Variants in PNLDC1 observed in about 807,000 individuals in gnomAD.
PNLDC1 encodes poly(A)-specific ribonuclease PNLDC1.
Under a neutral mutation model 82.0 loss-of-function variants are expected in PNLDC1, and 70 were observed. The ratio of observed to expected loss-of-function variants is 0.85; its 90% CI spans 0.70 to 1.04. The LOEUF is 1.04. Ranked by LOEUF, PNLDC1 falls within the 50% of genes least tolerant of loss-of-function variation. The pLI is 0.00. For missense variants in PNLDC1, 631 were observed against 661.1 expected (o/e 0.95, Z 0.50); for synonymous variants, 280 against 249.3 (o/e 1.12, Z -1.16).
At chr6:159,804,314 G>A (rs1487284499) in intron 5 of PNLDC1, among the ~76,000 whole-genome samples, 1 of 152,204 alleles carries the variant, frequency 6.6e-6, no homozygotes, top group African/African-American at 2.4e-5. Flanking sequence ...ATGTTGGTCA[G>A]GCTGGTCTTG....
At position 159,811,768 on chromosome 6, in the gene PNLDC1, A is replaced by G; in HGVS notation, c.921A>G (p.Val307=). The G allele has an allele frequency of 1.2e-6, 2 of 1,611,412 alleles. No homozygotes were observed. The highest frequency in any genetic ancestry group is 1.3e-5 in the African/African-American group (1 of 74,994). The change falls in exon 11 of 19, where the codon GTA becomes GTG. Residue 307 remains valine, a synonymous_variant. Transcript: ENST00000392167. ...CTGTTCTCATTGATACCAAGAGTGT[A>G]ACAAAGGATATCTGGAAGGTAATGA... ...LFPVLIDTKS[V]TKDIWKEMNF... is the part of the protein sequence containing the mutation.
At position 159,818,661 on chromosome 6, in the gene PNLDC1, A is replaced by G; in HGVS notation, c.1257+7A>G. On this transcript the variant is annotated splice_region_variant and intron_variant, in intron 16 of 18. Transcript: ENST00000392167. ...AGCGGGGGTCCCAAAGATCGTGAGT[A>G]GATCTCATTTGGCCCCCTCGCCCCA... 6.2e-7 allele frequency: 1 copy of G among 1,611,278 alleles called. No homozygotes were observed. The highest frequency in any genetic ancestry group is 8.5e-7 in the Non-Finnish European group (1 of 1,177,888).
intron 7 of PNLDC1, 93 bp from the exon 8 acceptor site, chr6:159,808,647 T>C: frequency 8.2e-7 from 1 of 1,212,686 alleles, no homozygotes; most frequent in Non-Finnish European, 1.2e-6. Flanking sequence ...ACTTGACCTT[T>C]CCATCTCAGC....
At chr6:159,809,900 TG>T in intron 9 of PNLDC1, 125 bp from the exon 10 acceptor site, 1 of 759,002 alleles carries the variant, frequency 1.3e-6, no homozygotes. Context: ...AAGGTTAGGA[TG>T]GAACTGTCAA....
At chr6:159,813,014 A>T (rs1781692958) in intron 11 of PNLDC1, among the ~76,000 whole-genome samples, 1 of 147,128 alleles carries the variant, frequency 6.8e-6, no homozygotes, top group African/African-American at 2.5e-5. Flanking sequence ...ACAGAGGAAG[A>T]CCCTGTCTCA....
chr6:159,816,126 C>A, intron 13 of PNLDC1, 93 bp downstream of exon 13: 2 of 959,962 alleles, frequency 2.1e-6, no homozygotes, highest in Non-Finnish European at 1.5e-6. Context: ...CCCCACACCC[C>A]TCCCCACCCA....
At chr6:159,808,595 C>G in intron 7 of PNLDC1, 145 bp from the exon 8 acceptor site, 2 of 691,768 alleles carry the variant, frequency 2.9e-6, no homozygotes. Context: ...CAGGCCCTGC[C>G]ACATGGCTCA....
chr6:159,800,744 G>C (rs773824918), intron 1 of PNLDC1, 28 bp from the exon 2 acceptor site: 10 of 1,614,114 alleles, frequency 6.2e-6, no homozygotes, highest in Non-Finnish European at 8.5e-6. Flanking sequence ...CTGCACCCGA[G>C]GACTGCTATT....
upstream of PNLDC1, chr6:159,800,255 AGCACG>A: frequency 2.5e-6 from 2 of 794,406 alleles, no homozygotes; most frequent in East Asian, 1.3e-4. Flanking sequence ...GCGCGTGGGC[AGCACG>A]TGGGCAGCAC....
intron 14 of PNLDC1, 110 bp from the exon 15 acceptor site, chr6:159,816,999 C>A: frequency 8.7e-7 from 1 of 1,149,552 alleles, no homozygotes; most frequent in South Asian, 1.3e-5. Flanking sequence ...ATGCCCCTGC[C>A]GTCCCTAGAT....
In PNLDC1 at chr6:159,817,124, C is replaced by A. The variant is rs1306591203; in HGVS notation, c.1130C>A (p.Ala377Glu). ...FLCGSVLLKV[A>E]HLLLQKIYHI... The stretch of plus-strand genomic sequence containing the variant: ...TCCTTCCTAGTTCTTTTGAAAGTGG[C>A]ACACTTGCTTCTACAGAAGATATAC... Residue 377 changes from alanine to glutamate, a missense_variant, in exon 15 of 19, where the codon GCA becomes GAA. By Grantham distance (107) the Ala-to-Glu change is moderately radical. Transcript: ENST00000392167. The A allele has an allele frequency of 1.2e-6, 2 of 1,612,252 alleles. No individual in the cohort carries two copies. The highest frequency in any genetic ancestry group is 1.7e-6 in the Non-Finnish European group (2 of 1,178,684).
chr6:159,816,694 A>G, intron 14 of PNLDC1, 98 bp downstream of exon 14: 8 of 1,084,126 alleles, frequency 7.4e-6, no homozygotes, highest in African/African-American at 1.7e-5. Flanking sequence ...TACAGTGGTG[A>G]GGATCTCGGC....
chr6:159,817,669 G>A (rs185529102), intron 15 of PNLDC1, among the ~76,000 whole-genome samples: 3 of 152,328 alleles, frequency 2.0e-5, no homozygotes, highest in Non-Finnish European at 4.4e-5. Context: ...CCCTGGGCAC[G>A]TAGGCACCAG....
At chr6:159,818,843 C>A in intron 16 of PNLDC1, 103 bp from the exon 17 acceptor site, 1 of 1,379,276 alleles carries the variant, frequency 7.3e-7, no homozygotes, top group Non-Finnish European at 1.0e-6. Flanking sequence ...CTTCCCCTCC[C>A]TGCCCCAAGC....
Position 159,819,154 on chromosome 6 carries a change from T to C in PNLDC1, c.1433+33T>C, listed in dbSNP as rs1350731522. On this transcript the variant is annotated intron_variant, in intron 17 of 18. Transcript: ENST00000392167. This position sits in a 1 kb window ranked among gnomAD's most constrained non-coding sequence, Gnocchi z 4.6. ...CCTCTAAGTCCGCGTCCCCCACCCC[T>C]CGTGCGTTCATCCCTGTATCTCTCT... The C allele has an allele frequency of 1.9e-6, 3 of 1,610,924 alleles. No individual in the cohort carries two copies. Among genetic ancestry groups the C allele is most frequent in the Non-Finnish European group, 2.5e-6 (3 of 1,177,774 alleles).
intron 8 of PNLDC1, 78 bp from the exon 9 acceptor site, chr6:159,808,937 G>C: frequency 6.3e-7 from 1 of 1,591,132 alleles, no homozygotes; most frequent in Non-Finnish European, 8.6e-7. Flanking sequence ...CTTTCCTTTT[G>C]TTTAGAGATG....
rs530662142 is a variant in PNLDC1 at position 159,800,652 on chromosome 6, C to T, written c.77-120C>T. ...TTCCTCCATTTTCCCTTCCTGACCT[C>T]ACTTGGCTTCTTGAGCGCAGAGGTG... On this transcript the variant is annotated intron_variant, in intron 1 of 18. Coordinates refer to ENST00000392167, the MANE Select transcript of PNLDC1 (RefSeq NM_001271862.2). 22 of 1,582,344 alleles carry T rather than the reference C, an allele frequency of 1.4e-5. No individual in the cohort carries two copies. In the East Asian group the frequency reaches 1.6e-4, roughly 11 times the overall value.
At chr6:159,811,635 G>A in intron 10 of PNLDC1, 66 bp from the exon 11 acceptor site, 1 of 1,316,420 alleles carries the variant, frequency 7.6e-7, no homozygotes, top group African/African-American at 1.5e-5. Context: ...CTAGGTTCAA[G>A]AATGTTCCTT....
Position 159,809,087 on chromosome 6 carries a change from T to C in PNLDC1, c.712T>C (p.Trp238Arg). Residue 238 changes from tryptophan (W) to arginine (R), a missense_variant, in exon 9 of 19, where the codon TGG becomes CGG. By Grantham distance (101) the Trp-to-Arg change is moderately radical. Coordinates refer to ENST00000392167, the MANE Select transcript of PNLDC1 (RefSeq NM_001271862.2). Reference protein sequence around the residue: ...QNTSCDRESCWKENILLSARG... With the variant: ...QNTSCDRESCRKENILLSARG... ...CACCTCTTGTGACCGAGAGAGCTGTTGGAAGGAAAATATTCTTCTCTCAGC... is the reference window on the plus strand; with the variant it reads ...CACCTCTTGTGACCGAGAGAGCTGTCGGAAGGAAAATATTCTTCTCTCAGC... 6.2e-7 allele frequency: 1 copy of C among 1,614,168 alleles called. No individual in the cohort carries two copies. The highest frequency in any genetic ancestry group is 1.1e-5 in the South Asian group (1 of 91,076).
Sources: gnomAD v4.1 joint callset for allele counts (sites outside exome capture counted in the v4.1 genomes callset) on GRCh38, gnomAD v4.1.1 for gene constraint, Gnocchi (gnomAD v3.1) non-coding constraint, MANE v1.5 for transcripts, NCBI Gene and HGNC (gene_info 2026-07-23, HGNC 2026-07-21) for gene names.